The following SMG6 variants were observed in gnomAD, a reference collection of about 807,000 sequenced individuals.
The protein encoded by SMG6 is SMG6 nonsense mediated mRNA decay factor, also known as telomerase-binding protein EST1A.
SMG6 carries 66 observed loss-of-function variants against 142.2 expected under a neutral mutation model. The ratio of observed to expected loss-of-function variants is 0.46; its 90% CI spans 0.38 to 0.57. The LOEUF is 0.57. SMG6 is among the 20% of genes least tolerant of loss of function. SMG6 has a pLI of 0.00. For synonymous variants in SMG6, 779 were observed against 702.4 expected, an observed-to-expected ratio of 1.11 and a Z score of -1.72; for missense variants, 1,793 against 1,832.0, an observed-to-expected ratio of 0.98 and a Z score of 0.39.
intron 13 of SMG6, among the ~76,000 whole-genome samples, chr17:2,103,619 C>A (rs972613610): frequency 6.6e-6 from 1 of 152,190 alleles, no homozygotes; most frequent in Non-Finnish European, 1.5e-5. Context: ...TTGTCAGCGG[C>A]CTCACTGAGC....
intron 13 of SMG6, among the ~76,000 whole-genome samples, chr17:2,157,514 T>A (rs2071043597): frequency 6.6e-6 from 1 of 152,122 alleles, no homozygotes; most frequent in Non-Finnish European, 1.5e-5. Flanking sequence ...CAAAGGTAAG[T>A]GGAAGGGAAC....
rs752456819 is a variant in SMG6, at chr17:2,300,603, T to C, written c.150A>G (p.Glu50=). ...GCCGAGAAAGGCCAGGCTTATAGATTTCCAGATCTGGACGCCTGTTATCTT... is the reference window on the plus strand; with the variant it reads ...GCCGAGAAAGGCCAGGCTTATAGATCTCCAGATCTGGACGCCTGTTATCTT... ...PRKDNRRPDL[E]IYKPGLSRLR... is the part of the protein sequence containing the mutation. The change falls in exon 2 of 19, where the codon GAA becomes GAG. Residue 50 remains glutamate (E), a synonymous_variant. Coordinates refer to ENST00000263073, the MANE Select transcript of SMG6 (RefSeq NM_017575.5). 6.2e-7 allele frequency: 1 copy of C among 1,613,024 alleles called. No homozygotes were observed. The highest frequency in any genetic ancestry group is 8.5e-7 in the Non-Finnish European group (1 of 1,179,618).
intron 9 of SMG6, among the ~76,000 whole-genome samples, chr17:2,241,772 G>A (rs1298003323): frequency 1.3e-5 from 2 of 152,218 alleles, no homozygotes; most frequent in Admixed American, 6.5e-5. Context: ...AATTTTAGAA[G>A]TGGAGGGGAA....
At chr17:2,222,294 T>C (rs1002161793) in intron 10 of SMG6, among the ~76,000 whole-genome samples, 1 of 151,626 alleles carries the variant, frequency 6.6e-6, no homozygotes, top group Admixed American at 6.6e-5. Flanking sequence ...AATGCAGCAG[T>C]GTTAAATAGG....
chr17:2,303,536 G>A lies in SMG6; in HGVS notation c.88+97C>T, dbSNP rs1475889140. 51 of 1,338,978 alleles carry A rather than the reference G, an allele frequency of 3.8e-5. No individual in the cohort carries two copies. The Admixed American group carries it at 7.0e-4, about 18-fold the overall frequency. The allele number at this position is 1,338,978 out of a possible 1,614,324, so 82.9% of individuals were successfully genotyped here. On this transcript the variant is annotated intron_variant, in intron 1 of 18. Coordinates refer to ENST00000263073, the MANE Select transcript of SMG6 (RefSeq NM_017575.5). ...CCTACTGCTGGGGGAAGGGGCGGGGGCTCCGGAGCCGAGGGCCGAGCGGGG... is the reference window on the plus strand; with the variant it reads ...CCTACTGCTGGGGGAAGGGGCGGGGACTCCGGAGCCGAGGGCCGAGCGGGG...
At chr17:2,268,923 G>C (rs1284719307) in intron 8 of SMG6, among the ~76,000 whole-genome samples, 1 of 134,406 alleles carries the variant, frequency 7.4e-6, no homozygotes, top group African/African-American at 2.8e-5. Context: ...AAAAAAAAAC[G>C]ATCAGGCACG....
At position 2,114,906 on chromosome 17, in the gene SMG6, A is replaced by AAAAATAAAATAAAATAAAAT. The variant is rs71375589; in HGVS notation, c.3358-29025_3358-29006dup. ...CGTGCCACTGCACTCCAGCCTGGGC[A>AAAAATAAAATAAAATAAAAT]AAAATAAAATAAAATAAAATAAAAT... On this transcript the variant is annotated intron_variant, in intron 13 of 18. Transcript: ENST00000263073. 1.2e-3 allele frequency among the ~76,000 whole-genome samples: 72 copies of AAAAATAAAATAAAATAAAAT among 61,976 alleles called. 3 individuals carry two copies. The highest frequency in any genetic ancestry group is 4.5e-3 in the African/African-American group (47 of 10,344). The allele number at this position is 61,976 out of a possible 152,430, so 40.7% of individuals were successfully genotyped here. A position where few individuals can be genotyped will look rare whatever the true frequency, so the allele number is the denominator to read the frequency against.
At chr17:2,132,426 C>G (rs1029485702) in intron 13 of SMG6, among the ~76,000 whole-genome samples, 3 of 152,196 alleles carry the variant, frequency 2.0e-5, no homozygotes, top group African/African-American at 7.2e-5. Flanking sequence ...ACTGTCAATT[C>G]AAGTGCCGGT....
At chr17:2,293,734 A>G (rs761825271) in intron 4 of SMG6, among the ~76,000 whole-genome samples, 1 of 152,258 alleles carries the variant, frequency 6.6e-6, no homozygotes, top group Non-Finnish European at 1.5e-5. Context: ...TCAGCATCCC[A>G]AAGTGCTGGG....
intron 8 of SMG6, among the ~76,000 whole-genome samples, chr17:2,279,679 C>T (rs1258493696): frequency 6.6e-6 from 1 of 152,096 alleles, no homozygotes; most frequent in East Asian, 1.9e-4. Context: ...TCAACAGTAT[C>T]CACCTCCTAA....
rs999912175 is a variant in SMG6 at position 2,302,947 on chromosome 17, C to T, written c.88+686G>A. ...GCAAACCTAGAGAAGGCACCTATCA[C>T]AGCTACCATTCTACACAACTCTATT... On this transcript the variant is annotated intron_variant, in intron 1 of 18. Transcript: ENST00000263073. 19 of 984,696 alleles carry T rather than the reference C, an allele frequency of 1.9e-5. No homozygotes were observed. In the African/African-American group the frequency reaches 3.1e-4, roughly 16 times the overall value. The allele number at this position is 984,696 out of a possible 1,614,324, so 61.0% of individuals were successfully genotyped here. A position where few individuals can be genotyped will look rare whatever the true frequency, so the allele number is the denominator to read the frequency against.
chr17:2,112,369 G>A (rs1483619305), intron 13 of SMG6, among the ~76,000 whole-genome samples: 6 of 151,394 alleles, frequency 4.0e-5, no homozygotes, highest in African/African-American at 9.7e-5. Flanking sequence ...TTAGCCAGGC[G>A]TCGTGGCGGG....
At chr17:2,236,426 CAAGAAAG>C in intron 10 of SMG6, 59 bp downstream of exon 10, 1 of 1,529,258 alleles carries the variant, frequency 6.5e-7, no homozygotes. Context: ...TATGGTAACA[CAAGAAAG>C]AAGCTACATT....
At chr17:2,118,301 G>GC (rs1222661878) in intron 13 of SMG6, among the ~76,000 whole-genome samples, 1 of 152,186 alleles carries the variant, frequency 6.6e-6, no homozygotes, top group Non-Finnish European at 1.5e-5. Context: ...ACTTTGGGAG[G>GC]CTGAGGCAGG....
chr17:2,061,745 T>C, intron 18 of SMG6, 123 bp from the exon 19 acceptor site: 1 of 1,147,386 alleles, frequency 8.7e-7, no homozygotes, highest in African/African-American at 1.5e-5. Context: ...TCTTGGCTCT[T>C]CTACCAGTCC....
intron 13 of SMG6, among the ~76,000 whole-genome samples, chr17:2,110,481 G>T (rs189939004): frequency 6.6e-6 from 1 of 151,984 alleles, no homozygotes; most frequent in African/African-American, 2.4e-5. Flanking sequence ...ACACGCACAC[G>T]CACACACACG....
intron 8 of SMG6, among the ~76,000 whole-genome samples, chr17:2,276,675 T>C (rs1376139061): frequency 1.3e-5 from 2 of 152,180 alleles, no homozygotes; most frequent in East Asian, 1.9e-4. Flanking sequence ...CGTAAGCCAC[T>C]GCACCTGGCC....
chr17:2,191,237 C>T (rs2072152253), intron 10 of SMG6, among the ~76,000 whole-genome samples: 1 of 152,222 alleles, frequency 6.6e-6, no homozygotes, highest in African/African-American at 2.4e-5. Context: ...CTGCTCTTGG[C>T]CTCACGTAGG....
chr17:2,143,915 G>A (rs1320237993), intron 13 of SMG6, among the ~76,000 whole-genome samples: 1 of 152,038 alleles, frequency 6.6e-6, no homozygotes, highest in Non-Finnish European at 1.5e-5. Flanking sequence ...CATATTTAAA[G>A]TGTACAATTT....
Sources: gnomAD v4.1 joint callset for allele counts (sites outside exome capture counted in the v4.1 genomes callset) on GRCh38, gnomAD v4.1.1 for gene constraint, MANE v1.5 for transcripts, NCBI Gene and HGNC (gene_info 2026-07-23, HGNC 2026-07-21) for gene names.